The following C11orf65 variants were observed in gnomAD, a reference collection of about 807,000 sequenced individuals.
The protein encoded by C11orf65 is protein MFI.
A neutral mutation model predicts 35.3 loss-of-function variants in C11orf65; 38 were observed. The observed-to-expected ratio is 1.08, with a 90% CI of 0.83 to 1.41. C11orf65 has a LOEUF of 1.41. Among genes scored for constraint, C11orf65 ranks in the 40% most tolerant of loss-of-function variants. The pLI, the probability that C11orf65 is intolerant of heterozygous loss-of-function variation, is 0.00. For synonymous variants in C11orf65, 105 were observed against 114.4 expected, an observed-to-expected ratio of 0.92 and a Z score of 0.53; for missense variants, 370 against 367.1, an observed-to-expected ratio of 1.01 and a Z score of -0.06.
At chr11:108,332,504 C>T (rs1409864802) in intron 3 of C11orf65, among the ~76,000 whole-genome samples, 1 of 151,972 alleles carries the variant, frequency 6.6e-6, no homozygotes, top group Admixed American at 6.6e-5. Context: ...ATAGGAGATA[C>T]CAGTAGTAGT....
At chr11:108,445,707 C>G (rs970340396) in intron 2 of C11orf65, among the ~76,000 whole-genome samples, 5 of 152,082 alleles carry the variant, frequency 3.3e-5, no homozygotes, top group African/African-American at 1.2e-4. Flanking sequence ...CTCTAAAAAG[C>G]AGAGCACCTC....
At position 108,363,493 on chromosome 11, in the gene C11orf65, C is replaced by A. The variant is rs571454335; in HGVS notation, c.227-28201G>T. ...GCTTAGCCAAGAGCAGTTTTGTCCCCTAGAGGACAGTTGGCAATGTCTGGA... is the reference window on the plus strand; with the variant it reads ...GCTTAGCCAAGAGCAGTTTTGTCCCATAGAGGACAGTTGGCAATGTCTGGA... On this transcript the variant is annotated intron_variant, in intron 2 of 3. Coordinates refer to the C11orf65 transcript ENST00000524755. Among the ~76,000 whole-genome samples, 382 of 152,284 alleles carry A rather than the reference C, an allele frequency of 2.5e-3. 1 individual carries two copies. The highest frequency in any genetic ancestry group is 8.8e-3 in the African/African-American group (365 of 41,552).
intron 6 of C11orf65, among the ~76,000 whole-genome samples, chr11:108,312,944 A>G (rs2084301594): frequency 6.6e-6 from 1 of 152,148 alleles, no homozygotes; most frequent in African/African-American, 2.4e-5. Flanking sequence ...TTCTTTGGTC[A>G]ACTCATTCCT....
intron 3 of C11orf65, among the ~76,000 whole-genome samples, chr11:108,409,035 T>C (rs2092609560): frequency 6.6e-6 from 1 of 152,180 alleles, no homozygotes; most frequent in Admixed American, 6.5e-5. Flanking sequence ...CACATTTTTT[T>C]CACTAAGGTG....
chr11:108,392,902 T>A (rs2092199461), intron 7 of C11orf65, among the ~76,000 whole-genome samples: 1 of 152,212 alleles, frequency 6.6e-6, no homozygotes. Context: ...AACCTTTGTA[T>A]TATTAATTTC....
In C11orf65 at chr11:108,382,805, A is replaced by G; in HGVS notation, c.*216T>C. 1.0e-6 allele frequency: 1 copy of G among 984,380 alleles called. No individual in the cohort carries two copies. Among genetic ancestry groups the G allele is most frequent in the Non-Finnish European group, 1.2e-6 (1 of 828,986 alleles). 61.0% of individuals were successfully genotyped at this position (984,380 alleles called of 1,614,324 possible). The stretch of plus-strand genomic sequence containing the variant: ...TTAAGTGTGACTGTTAGAATACTAC[A>G]GTTTCTCAGAATACTAGGAATAATT... On this transcript the variant is annotated 3_prime_UTR_variant, in exon 9 of 9. Coordinates refer to ENST00000393084, the MANE Select transcript of C11orf65 (RefSeq NM_152587.5).
intron 6 of C11orf65, chr11:108,317,232 C>A (rs1421594148): frequency 2.4e-6 from 2 of 818,434 alleles, no homozygotes; most frequent in East Asian, 3.1e-5. Flanking sequence ...AGCCACCACA[C>A]CCAGCTGATA....
intron 6 of C11orf65, among the ~76,000 whole-genome samples, chr11:108,403,271 T>C (rs1161121221): frequency 6.6e-6 from 1 of 152,212 alleles, no homozygotes; most frequent in Non-Finnish European, 1.5e-5. Flanking sequence ...GGGTATCTCA[T>C]TATCATTTTA....
intron 3 of C11orf65, among the ~76,000 whole-genome samples, chr11:108,409,535 TGTG>T (rs1475180587): frequency 6.6e-6 from 1 of 152,164 alleles, no homozygotes; most frequent in African/African-American, 2.4e-5. Flanking sequence ...GCTAGCAATA[TGTG>T]GTATGATGCT....
intron 2 of C11orf65, among the ~76,000 whole-genome samples, chr11:108,354,557 G>A (rs1398319262): frequency 6.6e-6 from 1 of 152,174 alleles, no homozygotes; most frequent in Non-Finnish European, 1.5e-5. Context: ...GAGCCCAGTG[G>A]TGCATGCCTG....
At chr11:108,347,487 GT>G in intron 2 of C11orf65, 10 of 820,056 alleles carry the variant, frequency 1.2e-5, no homozygotes, top group Middle Eastern at 3.7e-4. Flanking sequence ...TAAATATTGG[GT>G]TTTTTTGTTT....
chr11:108,422,881 C>CAA (rs769411381), intron 3 of C11orf65, among the ~76,000 whole-genome samples: 11 of 92,174 alleles, frequency 1.2e-4, no homozygotes, highest in East Asian at 3.3e-4. Flanking sequence ...GACTCTGTCT[C>CAA]AAAAAAAAAA....
intron 3 of C11orf65, among the ~76,000 whole-genome samples, chr11:108,413,758 C>G (rs1257932326): frequency 6.6e-6 from 1 of 152,026 alleles, no homozygotes. Flanking sequence ...AAATCAGTAA[C>G]AGAGAGATAA....
intron 2 of C11orf65, among the ~76,000 whole-genome samples, chr11:108,372,249 A>G (rs1424883973): frequency 6.6e-6 from 1 of 152,216 alleles, no homozygotes; most frequent in Non-Finnish European, 1.5e-5. Context: ...GCTGGAGTGC[A>G]GCAGCACGAT....
chr11:108,308,647 C>T (rs528499416), exon 7 of C11orf65: 5 of 220,642 alleles, frequency 2.3e-5, no homozygotes, highest in Admixed American at 1.5e-4. Flanking sequence ...AGGTAGGAAT[C>T]GATGTCTCAT....
intron 1 of C11orf65, among the ~76,000 whole-genome samples, chr11:108,466,548 G>A (rs1326211919): frequency 6.6e-6 from 1 of 152,262 alleles, no homozygotes; most frequent in South Asian, 2.1e-4. Context: ...CACTCAGCCT[G>A]GGCAACACAG....
chr11:108,331,630 T>A, intron 3 of C11orf65: 12 of 1,429,542 alleles, frequency 8.4e-6, no homozygotes, highest in Non-Finnish European at 1.1e-5. Flanking sequence ...ATAAAGTATA[T>A]ATACCATTCC....
chr11:108,439,961 TTA>T (rs1164644657), intron 2 of C11orf65, among the ~76,000 whole-genome samples: 1 of 152,188 alleles, frequency 6.6e-6, no homozygotes, highest in African/African-American at 2.4e-5. Context: ...CTGGTAAATT[TTA>T]TGTTATGAAC....
chr11:108,331,572 AAATC>A, intron 3 of C11orf65: 1 of 1,599,412 alleles, frequency 6.3e-7, no homozygotes, highest in Non-Finnish European at 8.5e-7. Context: ...GTAAACCTGA[AAATC>A]AAACCACAAT....
Sources: allele counts gnomAD v4.1 joint callset (sites outside exome capture counted in the v4.1 genomes callset), GRCh38; gene constraint gnomAD v4.1.1; transcripts MANE v1.5; gene names NCBI Gene and HGNC (gene_info 2026-07-23, HGNC 2026-07-21).